Variants in XPA observed in about 807,000 individuals in gnomAD.
XPA encodes XPA, DNA damage recognition and repair factor.
XPA carries 27 observed loss-of-function variants against 35.7 expected under a neutral mutation model. The ratio of observed to expected loss-of-function variants is 0.76; its 90% confidence interval spans 0.56 to 1.04. The LOEUF (loss-of-function observed/expected upper bound fraction) is 1.04. Ranked by LOEUF, XPA falls within the 50% of genes least tolerant of loss-of-function variation. The pLI, the probability that XPA is intolerant of heterozygous loss-of-function variation, is 0.00. For synonymous variants in XPA, 133 were observed against 118.4 expected, an observed-to-expected ratio of 1.12 and a Z score of -0.80; for missense variants, 354 against 342.7, an observed-to-expected ratio of 1.03 and a Z score of -0.26.
At chr9:97,690,365 C>T (rs1174813595) in intron 2 of XPA, among the ~76,000 whole-genome samples, 6 of 152,100 alleles carry the variant, frequency 3.9e-5, no homozygotes, top group Non-Finnish European at 4.4e-5. Context: ...TGCAAGCCAC[C>T]ATGCCCGGAT....
At position 97,694,933 on chromosome 9, in the gene XPA, C is replaced by T. The variant is rs1828997164; in HGVS notation, c.173-1174G>A. Reference sequence around the variant, plus strand: ...ATACAACATCTAAATGCACAAACTACCAATGCACGCAACAAAATGTGTGAA... The same window carrying T: ...ATACAACATCTAAATGCACAAACTATCAATGCACGCAACAAAATGTGTGAA... On this transcript the variant is annotated intron_variant, in intron 1 of 5. Coordinates refer to ENST00000375128, the MANE Select transcript of XPA (RefSeq NM_000380.4). Among the ~76,000 whole-genome samples, 4 of 152,276 alleles carry T rather than the reference C, an allele frequency of 2.6e-5. No homozygotes were observed. In the South Asian group the frequency reaches 8.3e-4, roughly 32 times the overall value.
Position 97,675,344 on chromosome 9 carries a change from G to A in XPA, c.*95C>T, listed in dbSNP as rs1485285971. On this transcript the variant is annotated 3_prime_UTR_variant, in exon 6 of 6. Coordinates refer to ENST00000375128, the MANE Select transcript of XPA (RefSeq NM_000380.4). ...TACAAGGGTTTCATTCATCTATGAA[G>A]ATGTTGCTTTTTTTTTTGAATTTTG... 2 of 1,278,790 alleles carry A rather than the reference G, an allele frequency of 1.6e-6. No homozygotes were observed. The highest frequency in any genetic ancestry group is 1.1e-6 in the Non-Finnish European group (1 of 924,546). The allele number at this position is 1,278,790 out of a possible 1,614,324, so 79.2% of individuals were successfully genotyped here.
chr9:97,677,945 CTCA>C (rs1163421331), intron 5 of XPA, among the ~76,000 whole-genome samples: 1 of 152,164 alleles, frequency 6.6e-6, no homozygotes, highest in South Asian at 2.1e-4. Flanking sequence ...CACCAGGTTT[CTCA>C]TCATCCAAAA....
chr9:97,690,320 C>T (rs1438945931), intron 2 of XPA, among the ~76,000 whole-genome samples: 3 of 152,234 alleles, frequency 2.0e-5, no homozygotes, highest in African/African-American at 2.4e-5. Flanking sequence ...AAGCGATTCT[C>T]CTGCCTTAGC....
the XPA span, chr9:97,662,236 A>T: frequency 1.1e-6 from 1 of 950,742 alleles, no homozygotes; most frequent in Non-Finnish European, 1.7e-6. Context: ...ATTGTTGAAT[A>T]TGAAGATCTT....
In XPA at chr9:97,695,943, C is replaced by T. The variant is rs1045021339; in HGVS notation, c.172+1178G>A. Among the ~76,000 whole-genome samples, 14 of 152,128 alleles carry T rather than the reference C, an allele frequency of 9.2e-5. No individual in the cohort carries two copies. In the South Asian group the frequency reaches 1.2e-3, roughly 14 times the overall value. Reference sequence around the variant, plus strand: ...TCAGTTTTTGCTATTTTGCACCTTCCGTTCCACAGCCATGTCGTAGACCTG... The same window carrying T: ...TCAGTTTTTGCTATTTTGCACCTTCTGTTCCACAGCCATGTCGTAGACCTG... On this transcript the variant is annotated intron_variant, in intron 1 of 5. Transcript: ENST00000375128.
At chr9:97,686,183 A>G (rs1445821273) in intron 4 of XPA, among the ~76,000 whole-genome samples, 3 of 152,234 alleles carry the variant, frequency 2.0e-5, no homozygotes, top group African/African-American at 7.2e-5. Flanking sequence ...GTATATATTC[A>G]AACTGTGCTC....
rs1228420158 is a variant in XPA, at chr9:97,680,867, G to A, written c.673+4056C>T. ...AACCTGGGGTGGGTGCAGGTCCTACGCAGTACTGAAGGCCTAATTGAAGCT... is the reference window on the plus strand; with the variant it reads ...AACCTGGGGTGGGTGCAGGTCCTACACAGTACTGAAGGCCTAATTGAAGCT... On this transcript the variant is annotated intron_variant, in intron 5 of 5. Transcript: ENST00000375128. 2.6e-5 allele frequency among the ~76,000 whole-genome samples: 4 copies of A among 152,148 alleles called. 1 individual carries two copies. Among genetic ancestry groups the A allele is most frequent in the African/African-American group, 2.4e-5 (1 of 41,428 alleles).
At position 97,693,773 on chromosome 9, in the gene XPA, T is replaced by C. The variant is rs774109541; in HGVS notation, c.173-14A>G. On this transcript the variant is annotated splice_polypyrimidine_tract_variant and intron_variant, in intron 1 of 5. Coordinates refer to ENST00000375128, the MANE Select transcript of XPA (RefSeq NM_000380.4). The stretch of plus-strand genomic sequence containing the variant: ...CATTAGCCATGCCTACAAAAGTAAG[T>C]AAAAGCAGTCAACAATTGAAGTAGG... The C allele has an allele frequency of 3.7e-6, 6 of 1,610,272 alleles. No individual in the cohort carries two copies. The East Asian group carries it at 1.3e-4, about 36-fold the overall frequency.
At chr9:97,670,907 TC>T (rs2131373444), downstream of XPA, among the ~76,000 whole-genome samples, 1 of 152,286 alleles carries the variant, frequency 6.6e-6, no homozygotes, top group African/African-American at 2.4e-5. Context: ...TTTTTTCATT[TC>T]CCTTTTTATT....
At chr9:97,685,255 C>G (rs1013395550) in intron 4 of XPA, among the ~76,000 whole-genome samples, 1 of 152,112 alleles carries the variant, frequency 6.6e-6, no homozygotes, top group African/African-American at 2.4e-5. Flanking sequence ...TAAACGTATG[C>G]TGAATTAGAT....
At chr9:97,686,180 T>C (rs1828711334) in intron 4 of XPA, among the ~76,000 whole-genome samples, 1 of 152,222 alleles carries the variant, frequency 6.6e-6, no homozygotes, top group Non-Finnish European at 1.5e-5. Context: ...ATAGTATATA[T>C]TCAAACTGTG....
At chr9:97,654,810 T>C in the XPA span, 1 of 1,279,876 alleles carries the variant, frequency 7.8e-7, no homozygotes, top group South Asian at 1.2e-5. Flanking sequence ...ATGTTTTATT[T>C]CTATTCTTGT....
intron 2 of XPA, among the ~76,000 whole-genome samples, chr9:97,693,400 AAAC>A (rs1393259412): frequency 6.6e-6 from 1 of 152,214 alleles, no homozygotes; most frequent in African/African-American, 2.4e-5. Context: ...GCCTATTATA[AAAC>A]AACAGAGAGC....
chr9:97,690,130 G>T (rs1166409304), intron 2 of XPA, among the ~76,000 whole-genome samples: 1 of 152,188 alleles, frequency 6.6e-6, no homozygotes, highest in Middle Eastern at 3.2e-3. Context: ...CATCTTCATA[G>T]CCAGCAATGG....
At chr9:97,684,868 C>T (rs1236191008) in intron 5 of XPA, 55 bp downstream of exon 5, 3 of 1,467,076 alleles carry the variant, frequency 2.0e-6, no homozygotes, top group Admixed American at 1.7e-5. Context: ...TAGCTAAAGG[C>T]TTTTTGCAAA....
chr9:97,684,881 G>A, intron 5 of XPA, 42 bp downstream of exon 5: 1 of 1,536,226 alleles, frequency 6.5e-7, no homozygotes, highest in Non-Finnish European at 9.0e-7. Flanking sequence ...TTTGCAAAAT[G>A]GTAAAACACA....
chr9:97,677,085 C>CGTAAGA, intron 5 of XPA, among the ~76,000 whole-genome samples: 1 of 152,152 alleles, frequency 6.6e-6, no homozygotes, highest in Middle Eastern at 3.4e-3. Flanking sequence ...TTGGTTCTCA[C>CGTAAGA]CTTATCCCAC....
intron 2 of XPA, among the ~76,000 whole-genome samples, chr9:97,692,294 A>T (rs1828918194): frequency 6.6e-6 from 1 of 152,098 alleles, no homozygotes; most frequent in Non-Finnish European, 1.5e-5. Flanking sequence ...TCTGTCTCAA[A>T]GAAAAAAAAA....
Sources: gnomAD v4.1 joint callset for allele counts (sites outside exome capture counted in the v4.1 genomes callset) on GRCh38, gnomAD v4.1.1 for gene constraint, MANE v1.5 for transcripts, NCBI Gene and HGNC (gene_info 2026-07-23, HGNC 2026-07-21) for gene names.